Variants in RBFOX1 observed in about 807,000 individuals in gnomAD.
The protein encoded by RBFOX1 is RNA binding protein fox-1 homolog 1.
Under a neutral mutation model 57.7 loss-of-function variants are expected in RBFOX1, and 8 were observed. The observed-to-expected ratio is 0.14, with a 90% CI of 0.08 to 0.25. RBFOX1 has a LOEUF of 0.25. Among genes scored for constraint, RBFOX1 ranks in the 10% least tolerant of loss-of-function variants. RBFOX1 has a pLI of 1.00. For synonymous variants in RBFOX1, 326 were observed against 222.4 expected (o/e 1.47, Z -4.15); for missense variants, 611 against 548.5 (o/e 1.11, Z -1.14).
chr16:6,756,724 C>A (rs566913852), intron 3 of RBFOX1, among the ~76,000 whole-genome samples: 1 of 152,224 alleles, frequency 6.6e-6, no homozygotes, highest in Non-Finnish European at 1.5e-5. Context: ...GTAATCCCAA[C>A]ACTTTGGGAG....
intron 3 of RBFOX1, among the ~76,000 whole-genome samples, chr16:5,740,176 C>T (rs959082922): frequency 2.0e-5 from 3 of 152,188 alleles, no homozygotes; most frequent in Non-Finnish European, 4.4e-5. Context: ...GGCTGACTGT[C>T]ATGTCTTTAC....
At chr16:6,599,903 C>T (rs2097828968) in intron 2 of RBFOX1, among the ~76,000 whole-genome samples, 1 of 152,218 alleles carries the variant, frequency 6.6e-6, no homozygotes, top group African/African-American at 2.4e-5. Context: ...AGTAAATATT[C>T]TGTCAGTGGT....
chr16:6,338,094 C>T (rs1434424207), intron 2 of RBFOX1, among the ~76,000 whole-genome samples: 6 of 152,170 alleles, frequency 3.9e-5, no homozygotes, highest in African/African-American at 1.2e-4. Flanking sequence ...ATGTGAAATA[C>T]GTGATATTCT....
chr16:5,497,047 T>C (rs2043024141), intron 2 of RBFOX1, among the ~76,000 whole-genome samples: 1 of 152,246 alleles, frequency 6.6e-6, no homozygotes, highest in South Asian at 2.1e-4. Context: ...TTTTTTTACT[T>C]TCACAATCGT....
Position 7,051,796 on chromosome 16 carries a change from T to C in RBFOX1, c.-15-261T>C, listed in dbSNP as rs1160340418. Among the ~76,000 whole-genome samples, 3 of 152,148 alleles carry C rather than the reference T, an allele frequency of 2.0e-5. No homozygotes were observed. In the East Asian group the frequency reaches 5.8e-4, roughly 29 times the overall value. ...GGGAGGTGCCCTCATCCCAGGCAGA[T>C]GCTGCCTCCCACACATACTCCTGCA... On this transcript the variant is annotated intron_variant, in intron 3 of 15. Coordinates refer to ENST00000550418, the MANE Select transcript of RBFOX1 (RefSeq NM_018723.4).
At chr16:6,804,718 A>T (rs891055914) in intron 3 of RBFOX1, among the ~76,000 whole-genome samples, 2 of 152,172 alleles carry the variant, frequency 1.3e-5, no homozygotes, top group African/African-American at 4.8e-5. Context: ...GGGGCAGAAC[A>T]GGGTACTGTT....
intron 1 of RBFOX1, among the ~76,000 whole-genome samples, chr16:6,230,175 A>G (rs868639353): frequency 6.6e-6 from 1 of 152,338 alleles, no homozygotes. Context: ...AGATGCTAGA[A>G]GCATAGAAGA....
chr16:7,371,406 CA>C (rs1555793889), intron 4 of RBFOX1, among the ~76,000 whole-genome samples: 1 of 152,134 alleles, frequency 6.6e-6, no homozygotes, highest in Non-Finnish European at 1.5e-5. Flanking sequence ...TAAAGCTAAT[CA>C]GTATCAGCGG....
rs2068553187 is a variant in RBFOX1, at chr16:5,454,891, TTTCTTTCTTTCTTTCTTTC to T, written c.220-12322_220-12304del. On this transcript the variant is annotated intron_variant, in intron 1 of 2. Coordinates refer to the RBFOX1 transcript ENST00000585867. ...CTTTCTTTCTTTCTTTCTTTCTTTC[TTTCTTTCTTTCTTTCTTTC>T]TTTCCTTTGTTTCTTTCTTCCTTCC... Among the ~76,000 whole-genome samples, 2 of 128,252 alleles carry T rather than the reference TTTCTTTCTTTCTTTCTTTC, an allele frequency of 1.6e-5. 1 individual carries two copies. Among genetic ancestry groups the T allele is most frequent in the Non-Finnish European group, 3.3e-5 (2 of 60,360 alleles). The allele number at this position is 128,252 out of a possible 152,430, so 84.1% of individuals were successfully genotyped here. A position where few individuals can be genotyped will look rare whatever the true frequency, so the allele number is the denominator to read the frequency against.
intron 4 of RBFOX1, among the ~76,000 whole-genome samples, chr16:7,230,053 AAGG>A (rs1463596653): frequency 1.6e-5 from 1 of 63,446 alleles, no homozygotes; most frequent in Non-Finnish European, 3.6e-5. Context: ...AGAGGAAGGA[AAGG>A]AGAGAGAGGA....
intron 1 of RBFOX1, among the ~76,000 whole-genome samples, chr16:5,370,752 C>G (rs544534567): frequency 6.6e-6 from 1 of 152,258 alleles, no homozygotes; most frequent in Admixed American, 6.5e-5. Flanking sequence ...CTTGGCCTCC[C>G]AGAGTGCTGG....
intron 3 of RBFOX1, among the ~76,000 whole-genome samples, chr16:5,611,667 C>T (rs1000629154): frequency 6.6e-6 from 1 of 152,068 alleles, no homozygotes; most frequent in Non-Finnish European, 1.5e-5. Context: ...TCCATCTACT[C>T]TCTCATCCAT....
intron 1 of RBFOX1, among the ~76,000 whole-genome samples, chr16:6,245,756 G>A (rs1289258685): frequency 6.6e-6 from 1 of 152,164 alleles, no homozygotes; most frequent in Non-Finnish European, 1.5e-5. Flanking sequence ...AACATCTGCA[G>A]CTACTCAGCA....
intron 3 of RBFOX1, among the ~76,000 whole-genome samples, chr16:6,876,539 C>CA (rs1379879952): frequency 1.3e-5 from 2 of 151,988 alleles, no homozygotes; most frequent in Non-Finnish European, 2.9e-5. Context: ...TATTTGTTTG[C>CA]AAAAAATTAA....
At chr16:5,785,967 C>G (rs2054487472) in intron 3 of RBFOX1, among the ~76,000 whole-genome samples, 1 of 152,166 alleles carries the variant, frequency 6.6e-6, no homozygotes, top group African/African-American at 2.4e-5. Context: ...CCTTCATGCT[C>G]ACCTCCTTAC....
chr16:5,548,866 G>T (rs1022307280), intron 2 of RBFOX1, among the ~76,000 whole-genome samples: 2 of 152,094 alleles, frequency 1.3e-5, no homozygotes, highest in Admixed American at 6.5e-5. Flanking sequence ...CTGGGGCCAA[G>T]GATGAGGAAG....
intron 1 of RBFOX1, among the ~76,000 whole-genome samples, chr16:5,443,208 G>C (rs927388330): frequency 1.3e-5 from 2 of 152,166 alleles, no homozygotes; most frequent in African/African-American, 4.8e-5. Context: ...AGACTAAGCC[G>C]TGCTCATTTT....
At chr16:6,653,965 TTGGACGGATGGA>T (rs55690554) in intron 2 of RBFOX1, among the ~76,000 whole-genome samples, 53,393 of 125,432 alleles carry the variant, frequency 0.43, 10,895 homozygotes, top group Middle Eastern at 0.58. Flanking sequence ...GGATGGATGG[TTGGACGGATGGA>T]TGGATGGATG....
intron 3 of RBFOX1, among the ~76,000 whole-genome samples, chr16:5,635,016 G>C (rs8057641): frequency 6.6e-6 from 1 of 152,098 alleles, no homozygotes; most frequent in Non-Finnish European, 1.5e-5. Context: ...CATGTGATCA[G>C]GGTCAGGCAG....
Sources: gnomAD v4.1 joint callset for allele counts (sites outside exome capture counted in the v4.1 genomes callset) on GRCh38, gnomAD v4.1.1 for gene constraint, MANE v1.5 for transcripts, NCBI Gene and HGNC (gene_info 2026-07-23, HGNC 2026-07-21) for gene names.